The following ACSM3 variants were observed in gnomAD, a reference collection of about 807,000 sequenced individuals.
ACSM3 encodes acyl-coenzyme A synthetase ACSM3, mitochondrial.
Under a neutral mutation model 74.1 loss-of-function variants are expected in ACSM3, and 61 were observed. That is an observed-to-expected ratio of 0.82 (90% CI 0.67 to 1.02). The LOEUF (loss-of-function observed/expected upper bound fraction) is 1.02, where lower values mean the gene tolerates loss of function less well. Among genes scored for constraint, ACSM3 ranks in the 50% least tolerant of loss-of-function variants. The pLI, the probability that ACSM3 is intolerant of heterozygous loss-of-function variation, is 0.00. For synonymous variants in ACSM3, 213 were observed against 241.5 expected, an observed-to-expected ratio of 0.88 and a Z score of 1.09; for missense variants, 660 against 697.0, an observed-to-expected ratio of 0.95 and a Z score of 0.60.
intron 9 of ACSM3, among the ~76,000 whole-genome samples, chr16:20,787,612 G>A (rs2080502376): frequency 6.6e-6 from 1 of 152,210 alleles, no homozygotes; most frequent in Non-Finnish European, 1.5e-5. Context: ...AAATAAGTTT[G>A]AGAGAGTTTA....
chr16:20,763,527 C>T (rs2080094401), upstream of ACSM3, among the ~76,000 whole-genome samples: 1 of 152,184 alleles, frequency 6.6e-6, no homozygotes, highest in African/African-American at 2.4e-5. Context: ...GATCATACAA[C>T]TCCTTGCAGT....
intron 1 of ACSM3, among the ~76,000 whole-genome samples, chr16:20,707,417 C>A (rs2079731096): frequency 1.3e-5 from 2 of 152,208 alleles, no homozygotes; most frequent in South Asian, 2.1e-4. Context: ...ACCCAGTGGT[C>A]CAGCAAGAGC....
Position 20,796,348 on chromosome 16 carries a change from GTGT to G in ACSM3, c.1555-20_1555-18del. 1 of 1,601,306 alleles carries G rather than the reference GTGT, an allele frequency of 6.2e-7. No homozygotes were observed. The highest frequency in any genetic ancestry group is 8.5e-7 in the Non-Finnish European group (1 of 1,176,436). The stretch of plus-strand genomic sequence containing the variant: ...TACAAATGCATAACTCATTTTCCTG[GTGT>G]TTCAAATATTTATTTTAGGTAGTAA... On this transcript the variant is annotated intron_variant, in intron 12 of 13. Coordinates refer to ENST00000289416, the MANE Select transcript of ACSM3 (RefSeq NM_005622.4).
intron 1 of ACSM3, among the ~76,000 whole-genome samples, chr16:20,747,534 G>T (rs1243261790): frequency 6.6e-6 from 1 of 152,154 alleles, no homozygotes; most frequent in Admixed American, 6.5e-5. Context: ...CGCTGGGCTG[G>T]TGCTCACCTA....
intron 2 of ACSM3, 75 bp downstream of exon 2, chr16:20,770,328 T>C (rs2080177290): frequency 7.7e-7 from 1 of 1,295,274 alleles, no homozygotes; most frequent in South Asian, 1.3e-5. Context: ...ATCTCTAATG[T>C]CTAGAAATAT....
chr16:20,777,295 A>G, intron 3 of ACSM3, 78 bp from the exon 4 acceptor site: 1 of 1,267,114 alleles, frequency 7.9e-7, no homozygotes, highest in Non-Finnish European at 1.1e-6. Flanking sequence ...TACAGAATGT[A>G]TAGATGGTAT....
At chr16:20,704,977 T>G (rs2079722797) in intron 1 of ACSM3, among the ~76,000 whole-genome samples, 2 of 152,224 alleles carry the variant, frequency 1.3e-5, no homozygotes, top group African/African-American at 4.8e-5. Flanking sequence ...ACTTCAAGTA[T>G]CATGATCTTC....
intron 1 of ACSM3, among the ~76,000 whole-genome samples, chr16:20,732,607 G>T (rs973311839): frequency 1.3e-5 from 2 of 152,114 alleles, no homozygotes; most frequent in Admixed American, 6.6e-5. Flanking sequence ...CCACTTTCTA[G>T]AACAGTAGAG....
At chr16:20,741,280 G>A (rs1359060541) in intron 1 of ACSM3, among the ~76,000 whole-genome samples, 1 of 152,202 alleles carries the variant, frequency 6.6e-6, no homozygotes, top group Non-Finnish European at 1.5e-5. Context: ...GAGCTACCGT[G>A]GTTACTGATG....
intron 7 of ACSM3, among the ~76,000 whole-genome samples, chr16:20,783,830 C>T (rs1034896916): frequency 5.5e-5 from 8 of 144,758 alleles, no homozygotes; most frequent in South Asian, 2.1e-4. Context: ...TTTTTTGAGA[C>T]GGAGTCTTGC....
chr16:20,696,128 C>T (rs1567317888), intron 1 of ACSM3, among the ~76,000 whole-genome samples: 1 of 152,186 alleles, frequency 6.6e-6, no homozygotes, highest in South Asian at 2.1e-4. Flanking sequence ...TATAGCATAT[C>T]GCCTATATGT....
chr16:20,770,761 A>C (rs1214890030), intron 2 of ACSM3, among the ~76,000 whole-genome samples: 2 of 152,172 alleles, frequency 1.3e-5, no homozygotes, highest in Admixed American at 6.5e-5. Context: ...ATGTTTAGTT[A>C]TGTAATAACT....
chr16:20,700,731 A>G, intron 1 of ACSM3, among the ~76,000 whole-genome samples: 1 of 152,116 alleles, frequency 6.6e-6, no homozygotes, highest in East Asian at 1.9e-4. Flanking sequence ...TTAGGAGGAA[A>G]GAGACATGAT....
At chr16:20,761,092 T>C (rs1280694787), upstream of ACSM3, among the ~76,000 whole-genome samples, 1 of 150,608 alleles carries the variant, frequency 6.6e-6, no homozygotes, top group Non-Finnish European at 1.5e-5. Context: ...TGAACCAATG[T>C]ATACACATTT....
At chr16:20,783,679 A>G (rs1293259915) in intron 7 of ACSM3, 3 of 152,230 alleles carry the variant, frequency 2.0e-5, no homozygotes, top group African/African-American at 7.2e-5. Flanking sequence ...AAAAATACAT[A>G]GTGAAAAGTC....
intron 1 of ACSM3, chr16:20,731,666 G>T: frequency 4.9e-6 from 2 of 404,116 alleles, no homozygotes; most frequent in Admixed American, 4.7e-5. Flanking sequence ...AAGTCCTACA[G>T]CCTAGAGAAA....
intron 1 of ACSM3, among the ~76,000 whole-genome samples, chr16:20,687,133 C>T (rs560513825): frequency 2.0e-5 from 3 of 151,964 alleles, no homozygotes; most frequent in South Asian, 2.1e-4. Context: ...CCAAGGGTTG[C>T]GGAGGGACTG....
intron 1 of ACSM3, among the ~76,000 whole-genome samples, chr16:20,709,046 G>A (rs995706228): frequency 6.6e-6 from 1 of 152,182 alleles, no homozygotes; most frequent in African/African-American, 2.4e-5. Flanking sequence ...TTTAATAAAT[G>A]GTGCTAGGCA....
At chr16:20,770,939 C>A (rs548678078) in intron 2 of ACSM3, among the ~76,000 whole-genome samples, 13 of 152,240 alleles carry the variant, frequency 8.5e-5, no homozygotes, top group Admixed American at 3.3e-4. Flanking sequence ...ATATATTATT[C>A]TTAACTGTTT....
Sources: allele counts gnomAD v4.1 joint callset (sites outside exome capture counted in the v4.1 genomes callset), GRCh38; gene constraint gnomAD v4.1.1; transcripts MANE v1.5; gene names NCBI Gene and HGNC (gene_info 2026-07-23, HGNC 2026-07-21).